DENND4A: variants seen among roughly 807,000 people sequenced by gnomAD.
The protein encoded by DENND4A is DENN domain containing 4A, also known as C-myc promoter-binding protein.
In DENND4A, 70 loss-of-function variants were observed where a neutral mutation model predicts 199.3. The ratio of observed to expected loss-of-function variants is 0.35; its 90% CI spans 0.29 to 0.43. The LOEUF (loss-of-function observed/expected upper bound fraction) is 0.43, where lower values mean the gene tolerates loss of function less well. Among genes scored for constraint, DENND4A ranks in the 20% least tolerant of loss-of-function variants. The pLI, the probability that DENND4A is intolerant of heterozygous loss-of-function variation, is 1.00. For missense variants in DENND4A, 1,723 were observed against 2,255.8 expected (o/e 0.76, Z 4.78); for synonymous variants, 686 against 766.9 (o/e 0.89, Z 1.74).
chr15:65,768,206 T>C (rs2077034188), intron 1 of DENND4A, among the ~76,000 whole-genome samples: 1 of 152,168 alleles, frequency 6.6e-6, no homozygotes, highest in Non-Finnish European at 1.5e-5. Context: ...TTTTGCCATG[T>C]TGCCCAGGCT....
intron 27 of DENND4A, among the ~76,000 whole-genome samples, chr15:65,669,288 T>C (rs1169443786): frequency 6.6e-6 from 1 of 152,250 alleles, no homozygotes; most frequent in Non-Finnish European, 1.5e-5. Flanking sequence ...ATGGAATTGA[T>C]TTCTGCATCA....
chr15:65,768,272 A>T (rs1336722526), intron 1 of DENND4A, among the ~76,000 whole-genome samples: 1 of 152,186 alleles, frequency 6.6e-6, no homozygotes, highest in Non-Finnish European at 1.5e-5. Context: ...CCGTGCCGGC[A>T]TCCCAAAGTG....
At chr15:65,740,270 T>C (rs2076221902) in intron 5 of DENND4A, among the ~76,000 whole-genome samples, 1 of 149,806 alleles carries the variant, frequency 6.7e-6, no homozygotes, top group Non-Finnish European at 1.5e-5. Context: ...CACAGTGAGA[T>C]TCCATCTCCC....
chr15:65,720,287 ATTAC>A (rs1232131412), intron 12 of DENND4A, among the ~76,000 whole-genome samples: 1 of 152,166 alleles, frequency 6.6e-6, no homozygotes, highest in African/African-American at 2.4e-5. Flanking sequence ...AAAGTTTGTT[ATTAC>A]TTCAAAATTT....
In DENND4A at chr15:65,663,203, T is replaced by TA. The variant is rs1485515195; in HGVS notation, c.5587+1126_5587+1127insT. Among the ~76,000 whole-genome samples, 354 of 144,528 alleles carry TA rather than the reference T, an allele frequency of 2.4e-3. 3 individuals are homozygous for TA. The highest frequency in any genetic ancestry group is 8.6e-3 in the African/African-American group (332 of 38,788). The allele number at this position is 144,528 out of a possible 152,430, so 94.8% of individuals were successfully genotyped here. On this transcript the variant is annotated intron_variant, in intron 32 of 32. Transcript: ENST00000443035. ...ATATATATATATATATATATATTTT[T>TA]TTTTTTTTATTTTTTTTTTTGGTTA... is the stretch of plus-strand genomic sequence containing the variant.
chr15:65,661,228 C>A lies in DENND4A; in HGVS notation c.*623G>T, dbSNP rs769024644. Reference sequence around the variant, plus strand: ...ACACTAGCACTGACATTTTAAAATTCATTCTCCCAAGTAATAAAAAATATA... The same window carrying A: ...ACACTAGCACTGACATTTTAAAATTAATTCTCCCAAGTAATAAAAAATATA... On this transcript the variant is annotated 3_prime_UTR_variant, in exon 33 of 33. Coordinates refer to ENST00000443035, the MANE Select transcript of DENND4A (RefSeq NM_001320835.1). 1 of 152,076 alleles carries A rather than the reference C, an allele frequency of 6.6e-6. No homozygotes were observed. The highest frequency in any genetic ancestry group is 1.5e-5 in the Non-Finnish European group (1 of 68,036). 9.4% of individuals were successfully genotyped at this position (152,076 alleles called of 1,614,324 possible). A position where few individuals can be genotyped will look rare whatever the true frequency, so the allele number is the denominator to read the frequency against.
intron 15 of DENND4A, among the ~76,000 whole-genome samples, chr15:65,704,457 C>G (rs1408234636): frequency 1.3e-5 from 2 of 152,232 alleles, no homozygotes; most frequent in East Asian, 3.8e-4. Context: ...ACTGCAGTCT[C>G]AACCTCCCAG....
rs1304511218 is a variant in DENND4A at position 65,741,727 on chromosome 15, A to T, written c.619T>A (p.Ser207Thr). The T allele has an allele frequency of 1.9e-6, 3 of 1,612,846 alleles. No individual in the cohort carries two copies. Among genetic ancestry groups the T allele is most frequent in the South Asian group, 2.2e-5 (2 of 91,038 alleles). ...KKSVAKTNTV[S>T]YKAGLICRYP... is the part of the protein sequence containing the mutation. ...AAATTACACTTACCAGCTTTGTAAG[A>T]TACAGTGTTCGTCTTTGCCACCGAT... Residue 207 changes from serine (S) to threonine (T), a missense_variant, in exon 5 of 33, where the codon TCT (serine) becomes ACT (threonine). This residue lies in a region of DENND4A where 725 missense variants were observed against 952.9 expected (regional missense o/e 0.76). Coordinates refer to ENST00000443035, the MANE Select transcript of DENND4A (RefSeq NM_001320835.1).
intron 23 of DENND4A, among the ~76,000 whole-genome samples, chr15:65,677,518 C>G (rs1484313932): frequency 6.6e-6 from 1 of 152,148 alleles, no homozygotes; most frequent in Non-Finnish European, 1.5e-5. Flanking sequence ...CGGGCTTTAA[C>G]ATTTTTACAT....
intron 23 of DENND4A, among the ~76,000 whole-genome samples, chr15:65,681,681 T>A (rs541873095): frequency 6.6e-6 from 1 of 151,992 alleles, no homozygotes; most frequent in Admixed American, 6.6e-5. Context: ...ATTCAAGCGA[T>A]TCTCCCACCT....
chr15:65,696,074 G>C (rs568963209), intron 22 of DENND4A, among the ~76,000 whole-genome samples: 1 of 152,144 alleles, frequency 6.6e-6, no homozygotes, highest in South Asian at 2.1e-4. Context: ...GGTACCCTCA[G>C]ACTCATCACC....
Position 65,690,564 on chromosome 15 carries a change from T to A in DENND4A, c.4030A>T (p.Thr1344Ser). 1 of 1,613,664 alleles carries A rather than the reference T, an allele frequency of 6.2e-7. No homozygotes were observed. The highest frequency in any genetic ancestry group is 1.3e-5 in the African/African-American group (1 of 75,000). ...PFREESQDTL[T>S]HSSPSFNLDT... ...AAGTTAAATGAAGGTGATGAGTGGG[T>A]TAATGTATCCTGAGATTCTTCCCTA... Residue 1344 changes from threonine to serine, a missense_variant, in exon 23 of 33, where the codon ACC becomes TCC. By Grantham distance (58) the Thr-to-Ser change is moderately conservative. Coordinates refer to ENST00000443035, the MANE Select transcript of DENND4A (RefSeq NM_001320835.1).
chr15:65,686,866 T>TAA (rs55817012), intron 23 of DENND4A, among the ~76,000 whole-genome samples: 5 of 142,244 alleles, frequency 3.5e-5, no homozygotes, highest in Admixed American at 7.0e-5. Context: ...TAGTTAAAAT[T>TAA]AAAAAAAAAA....
At chr15:65,723,102 G>C (rs2075696566) in intron 11 of DENND4A, among the ~76,000 whole-genome samples, 154 bp from the exon 12 acceptor site, 1 of 152,160 alleles carries the variant, frequency 6.6e-6, no homozygotes, top group African/African-American at 2.4e-5. Context: ...AAATCCTACA[G>C]GGGTAAATTG....
intron 14 of DENND4A, among the ~76,000 whole-genome samples, chr15:65,709,768 A>G (rs1015042238): frequency 2.8e-5 from 4 of 144,844 alleles, no homozygotes; most frequent in Non-Finnish European, 6.0e-5. Context: ...ATTTTCTCTA[A>G]TAAGTCTCTT....
In DENND4A at chr15:65,688,619, G is replaced by A. The variant is rs150141533; in HGVS notation, c.4179+1796C>T. 6.1e-3 allele frequency among the ~76,000 whole-genome samples: 930 copies of A among 152,300 alleles called. 5 individuals carry two copies. The highest frequency in any genetic ancestry group is 0.01 in the Non-Finnish European group (701 of 68,028). On this transcript the variant is annotated intron_variant, in intron 23 of 32. Coordinates refer to ENST00000443035, the MANE Select transcript of DENND4A (RefSeq NM_001320835.1). ...TTTGCATCTGTCCCATAACTGTGCA[G>A]GTCAAGGGGTAGGGTGAAACTTGTA...
At chr15:65,774,583 G>A (rs921787907) in intron 1 of DENND4A, among the ~76,000 whole-genome samples, 7 of 151,822 alleles carry the variant, frequency 4.6e-5, no homozygotes, top group African/African-American at 1.4e-4. Context: ...CAGGAGAATC[G>A]TTTGAACCTG....
intron 2 of DENND4A, among the ~76,000 whole-genome samples, chr15:65,760,048 CTTTA>C (rs1298112136): frequency 3.9e-5 from 6 of 152,210 alleles, no homozygotes; most frequent in Admixed American, 3.3e-4. Context: ...TTATATCAGC[CTTTA>C]TTTATGTGCT....
intron 32 of DENND4A, among the ~76,000 whole-genome samples, chr15:65,663,514 T>G (rs1027731793): frequency 6.6e-6 from 1 of 152,014 alleles, no homozygotes; most frequent in Non-Finnish European, 1.5e-5. Context: ...TGGCTGATTT[T>G]ATTATATATT....
Sources: allele counts gnomAD v4.1 joint callset (sites outside exome capture counted in the v4.1 genomes callset), GRCh38; gene constraint gnomAD v4.1.1; regional missense constraint gnomAD v4.1.1; transcripts MANE v1.5; gene names NCBI Gene and HGNC (gene_info 2026-07-23, HGNC 2026-07-21).